PLCE1: variants seen among roughly 807,000 people sequenced by gnomAD.
The protein encoded by PLCE1 is 1-phosphatidylinositol 4,5-bisphosphate phosphodiesterase epsilon-1.
PLCE1 carries 119 observed loss-of-function variants against 242.8 expected under a neutral mutation model. The observed-to-expected ratio is 0.49, with a 90% CI of 0.42 to 0.57. The LOEUF (loss-of-function observed/expected upper bound fraction) is 0.57, where lower values mean the gene tolerates loss of function less well. PLCE1 is among the 20% of genes least tolerant of loss of function. The pLI is 0.00. For missense variants in PLCE1, 2,441 were observed against 2,788.8 expected, an observed-to-expected ratio of 0.88 and a Z score of 2.81; for synonymous variants, 945 against 1,017.4, an observed-to-expected ratio of 0.93 and a Z score of 1.35.
At chr10:94,229,011 A>G (rs1717549238) in intron 5 of PLCE1, among the ~76,000 whole-genome samples, 1 of 151,920 alleles carries the variant, frequency 6.6e-6, no homozygotes, top group African/African-American at 2.4e-5. Context: ...GTAAAACCCC[A>G]TCTCTACTAA....
At chr10:94,001,900 C>A (rs1321950315) in intron 1 of PLCE1, among the ~76,000 whole-genome samples, 1 of 152,150 alleles carries the variant, frequency 6.6e-6, no homozygotes, top group Non-Finnish European at 1.5e-5. Context: ...AATTGTATTC[C>A]TTTTCCCTCC....
chr10:94,065,368 T>G (rs1265030497), intron 2 of PLCE1, among the ~76,000 whole-genome samples: 2 of 152,234 alleles, frequency 1.3e-5, no homozygotes, highest in Non-Finnish European at 2.9e-5. Flanking sequence ...TGGAGAAACT[T>G]AAACCTTGTT....
chr10:94,112,223 G>A (rs1235235753), intron 2 of PLCE1, among the ~76,000 whole-genome samples: 1 of 152,048 alleles, frequency 6.6e-6, no homozygotes, highest in African/African-American at 2.4e-5. Context: ...CACAAGGAAG[G>A]TGAATGGGTG....
chr10:94,079,761 A>G (rs1432177301), intron 2 of PLCE1, among the ~76,000 whole-genome samples: 1 of 152,222 alleles, frequency 6.6e-6, no homozygotes, highest in Non-Finnish European at 1.5e-5. Context: ...AGCCTGGGGT[A>G]GAGTCCAGGA....
chr10:94,225,453 A>G (rs1383604281), intron 4 of PLCE1: 1 of 152,182 alleles, frequency 6.6e-6, no homozygotes, highest in East Asian at 1.9e-4. Context: ...TGGGTGGATC[A>G]CTTGAGGTCA....
chr10:94,260,123 T>C (rs952317624), intron 13 of PLCE1, among the ~76,000 whole-genome samples: 3 of 152,154 alleles, frequency 2.0e-5, no homozygotes, highest in African/African-American at 7.2e-5. Flanking sequence ...AAATGTCTGC[T>C]AGGTATGTGG....
chr10:94,094,933 C>G (rs1276205697), intron 2 of PLCE1: 1 of 152,180 alleles, frequency 6.6e-6, no homozygotes, highest in African/African-American at 2.4e-5. Flanking sequence ...TTTTGATTAG[C>G]TAAATCTAAG....
intron 2 of PLCE1, among the ~76,000 whole-genome samples, chr10:94,047,786 A>T (rs1420559102): frequency 6.6e-6 from 1 of 152,034 alleles, no homozygotes; most frequent in Non-Finnish European, 1.5e-5. Flanking sequence ...GCTCTTGACC[A>T]CCCCAAACCT....
intron 2 of PLCE1, chr10:94,089,131 G>C (rs2044957929): frequency 6.2e-7 from 1 of 1,613,866 alleles, no homozygotes; most frequent in South Asian, 1.1e-5. Flanking sequence ...AAGAGACTTT[G>C]CAGGAATGGA....
chr10:94,316,663 C>G lies in PLCE1; in HGVS notation c.6249C>G (p.Ala2083=). The part of the protein sequence containing the change: ...NECRKQPFQR[A]IGPEEEIMQI... ...GTAGGAAACAACCATTCCAGAGAGCCATTGGTCCAGAAGAGGAGATCATGC... is the reference window on the plus strand; with the variant it reads ...GTAGGAAACAACCATTCCAGAGAGCGATTGGTCCAGAAGAGGAGATCATGC... The change falls in exon 29 of 33, where the codon GCC becomes GCG. Residue 2083 remains alanine (A), a synonymous_variant. Transcript: ENST00000371380. 1 of 1,613,284 alleles carries G rather than the reference C, an allele frequency of 6.2e-7. No homozygotes were observed.
intron 1 of PLCE1, among the ~76,000 whole-genome samples, chr10:94,018,971 A>G (rs1253318456): frequency 2.0e-5 from 3 of 152,244 alleles, no homozygotes; most frequent in Non-Finnish European, 4.4e-5. Context: ...TTTAAAAGAA[A>G]TAGACATAGT....
chr10:94,221,611 T>C (rs1179759688), intron 4 of PLCE1, among the ~76,000 whole-genome samples: 1 of 152,190 alleles, frequency 6.6e-6, no homozygotes. Context: ...GGCGCATGCC[T>C]GTAATTCCAG....
intron 3 of PLCE1, among the ~76,000 whole-genome samples, chr10:94,162,918 G>C (rs1017494661): frequency 2.6e-5 from 4 of 152,174 alleles, no homozygotes; most frequent in African/African-American, 9.7e-5. Context: ...TATGTACCCA[G>C]TAGTCATTCA....
rs369325600 is a variant in PLCE1, at chr10:94,265,595, C to A, written c.4054-52C>A. On this transcript the variant is annotated intron_variant, in intron 14 of 32. Transcript: ENST00000371380. ...AAAAATGATGTGGTGGTTTCTTTCC[C>A]CCTCTTAGTTTCCTTAACCTAAATA... is the stretch of plus-strand genomic sequence containing the variant. 3,002 of 1,442,104 alleles carry A rather than the reference C, an allele frequency of 2.1e-3. 5 individuals carry two copies. Among genetic ancestry groups the A allele is most frequent in the Non-Finnish European group, 2.6e-3 (2,626 of 1,025,442 alleles). The allele number at this position is 1,442,104 out of a possible 1,614,324, so 89.3% of individuals were successfully genotyped here. A position where few individuals can be genotyped will look rare whatever the true frequency, so the allele number is the denominator to read the frequency against.
chr10:94,301,498 G>C (rs1264276620), intron 24 of PLCE1, among the ~76,000 whole-genome samples: 1 of 152,104 alleles, frequency 6.6e-6, no homozygotes, highest in Non-Finnish European at 1.5e-5. Flanking sequence ...CTAAATAGCA[G>C]AGAAACCCTC....
At chr10:94,077,201 C>G (rs1175349160) in intron 2 of PLCE1, among the ~76,000 whole-genome samples, 1 of 152,142 alleles carries the variant, frequency 6.6e-6, no homozygotes, top group Non-Finnish European at 1.5e-5. Flanking sequence ...GTTTGGCCCC[C>G]GAGGTGACAC....
chr10:94,251,621 G>A (rs566400663), intron 8 of PLCE1, among the ~76,000 whole-genome samples: 2 of 152,192 alleles, frequency 1.3e-5, no homozygotes, highest in South Asian at 4.1e-4. Context: ...GATCCCTGCT[G>A]TTACTTACAG....
chr10:94,270,746 T>G (rs2051698705), intron 18 of PLCE1, 144 bp downstream of exon 18: 1 of 724,792 alleles, frequency 1.4e-6, no homozygotes, highest in Non-Finnish European at 2.5e-6. Context: ...CTTGGCTCAC[T>G]GCAACCTCTG....
chr10:94,055,372 G>A (rs2134863086), intron 2 of PLCE1, among the ~76,000 whole-genome samples: 1 of 151,050 alleles, frequency 6.6e-6, no homozygotes, highest in East Asian at 2.0e-4. Flanking sequence ...GTGTGGTGGT[G>A]CGATCTCCAC....
Sources: allele counts gnomAD v4.1 joint callset (sites outside exome capture counted in the v4.1 genomes callset), GRCh38; gene constraint gnomAD v4.1.1; transcripts MANE v1.5; gene names NCBI Gene and HGNC (gene_info 2026-07-23, HGNC 2026-07-21).